Variants in CHMP4C observed in about 807,000 individuals in gnomAD.
CHMP4C encodes the protein SNF7 homolog associated with Alix 3.
A neutral mutation model predicts 29.0 loss-of-function variants in CHMP4C; 28 were observed. The observed-to-expected ratio is 0.97, with a 90% CI of 0.72 to 1.32. CHMP4C has a LOEUF of 1.32. Ranked by LOEUF, CHMP4C falls within the 40% of genes most tolerant of loss-of-function variation. The pLI is 0.00. For missense variants in CHMP4C, 291 were observed against 281.0 expected, an observed-to-expected ratio of 1.04 and a Z score of -0.25; for synonymous variants, 106 against 102.4, an observed-to-expected ratio of 1.04 and a Z score of -0.21.
chr8:81,756,297 C>T (rs1808971174), intron 3 of CHMP4C, among the ~76,000 whole-genome samples: 1 of 152,094 alleles, frequency 6.6e-6, no homozygotes, highest in Non-Finnish European at 1.5e-5. Context: ...GGATGGGTTT[C>T]ACAATTTTAA....
intron 1 of CHMP4C, among the ~76,000 whole-genome samples, chr8:81,741,727 A>G (rs1808764642): frequency 6.6e-6 from 1 of 152,126 alleles, no homozygotes; most frequent in Admixed American, 6.5e-5. Flanking sequence ...TATACAGATG[A>G]TATTGTTGAT....
intron 1 of CHMP4C, among the ~76,000 whole-genome samples, chr8:81,744,671 G>A (rs1554592785): frequency 6.6e-6 from 1 of 152,146 alleles, no homozygotes. Context: ...GGTAAAGAAT[G>A]TAACTTACAC....
rs1286705251 is a variant in CHMP4C, at chr8:81,759,450, C to A, written c.*906C>A. The A allele has an allele frequency of 6.6e-6, 1 of 151,576 alleles. No individual in the cohort carries two copies. The highest frequency in any genetic ancestry group is 1.5e-5 in the Non-Finnish European group (1 of 67,944). The allele number at this position is 151,576 out of a possible 1,614,324, so 9.4% of individuals were successfully genotyped here. ...TGTGCTCTCTTGTACATTTATTTACCCTTTACAGAATATTTCTTGTAAATA... is the reference window on the plus strand; with the variant it reads ...TGTGCTCTCTTGTACATTTATTTACACTTTACAGAATATTTCTTGTAAATA... On this transcript the variant is annotated 3_prime_UTR_variant, in exon 5 of 5. Coordinates refer to ENST00000297265, the MANE Select transcript of CHMP4C (RefSeq NM_152284.4).
At chr8:81,735,432 TAC>T (rs1808676181) in intron 1 of CHMP4C, among the ~76,000 whole-genome samples, 1 of 150,466 alleles carries the variant, frequency 6.6e-6, no homozygotes, top group Admixed American at 6.6e-5. Flanking sequence ...TAACTTCATA[TAC>T]ATAGTTAACT....
chr8:81,734,351 A>G (rs1180155541), intron 1 of CHMP4C, among the ~76,000 whole-genome samples: 1 of 152,100 alleles, frequency 6.6e-6, no homozygotes, highest in Non-Finnish European at 1.5e-5. Context: ...TTGTTTTGAG[A>G]CAGAGTTTCA....
chr8:81,740,947 A>G (rs948481328), intron 1 of CHMP4C, among the ~76,000 whole-genome samples: 1 of 152,150 alleles, frequency 6.6e-6, no homozygotes, highest in African/African-American at 2.4e-5. Context: ...GTATCCAGCA[A>G]CCAAAAGAAA....
At chr8:81,748,202 T>A (rs1028576305) in intron 1 of CHMP4C, among the ~76,000 whole-genome samples, 6 of 152,242 alleles carry the variant, frequency 3.9e-5, no homozygotes, top group Non-Finnish European at 7.3e-5. Flanking sequence ...GTTATCTCTC[T>A]TATTCCCTGA....
intron 1 of CHMP4C, among the ~76,000 whole-genome samples, chr8:81,752,645 C>G (rs917281132): frequency 6.6e-6 from 1 of 152,152 alleles, no homozygotes; most frequent in South Asian, 2.1e-4. Flanking sequence ...TCTCTGGTCT[C>G]AATGAACTTG....
intron 1 of CHMP4C, among the ~76,000 whole-genome samples, chr8:81,751,749 G>C (rs964439280): frequency 7.9e-5 from 12 of 152,062 alleles, no homozygotes; most frequent in Admixed American, 6.6e-4. Flanking sequence ...ATGAGACTGA[G>C]TGAAAATCTT....
At position 81,752,073 on chromosome 8, in the gene CHMP4C, T is replaced by C. The variant is rs16909557; in HGVS notation, c.191-991T>C. On this transcript the variant is annotated intron_variant, in intron 1 of 4. Transcript: ENST00000297265. ...ACCATGGAAAAAGCACTGGAATGAA[T>C]CAATCAAATTTGTTGCAATTACAAG... is the stretch of plus-strand genomic sequence containing the variant. Among the ~76,000 whole-genome samples the C allele has an allele frequency of 9.9e-3, 1,501 of 152,040 alleles. 23 individuals are homozygous for C. Among genetic ancestry groups the C allele is most frequent in the African/African-American group, 0.034 (1,417 of 41,526 alleles).
intron 1 of CHMP4C, among the ~76,000 whole-genome samples, chr8:81,738,124 C>A (rs1457685452): frequency 1.3e-5 from 2 of 152,122 alleles, no homozygotes; most frequent in African/African-American, 2.4e-5. Context: ...CCTCTTTTTC[C>A]CCCTCATCCT....
At position 81,755,361 on chromosome 8, in the gene CHMP4C, A is replaced by G. The variant is rs1238436660; in HGVS notation, c.369-9A>G. 5 of 1,501,986 alleles carry G rather than the reference A, an allele frequency of 3.3e-6. No homozygotes were observed. Among genetic ancestry groups the G allele is most frequent in the Non-Finnish European group, 3.7e-6 (4 of 1,091,334 alleles). 93.0% of individuals were successfully genotyped at this position (1,501,986 alleles called of 1,614,324 possible). Reference sequence around the variant, plus strand: ...ATTCTAAAATGTTCAACAAAATATGATTTCCCAGGGATCTGAACAAAATAG... The same window carrying G: ...ATTCTAAAATGTTCAACAAAATATGGTTTCCCAGGGATCTGAACAAAATAG... On this transcript the variant is annotated splice_polypyrimidine_tract_variant and intron_variant, in intron 2 of 4. Coordinates refer to ENST00000297265, the MANE Select transcript of CHMP4C (RefSeq NM_152284.4).
intron 1 of CHMP4C, among the ~76,000 whole-genome samples, chr8:81,737,833 A>G (rs889103066): frequency 2.6e-5 from 4 of 152,230 alleles, no homozygotes; most frequent in African/African-American, 9.6e-5. Flanking sequence ...TAAACTAATT[A>G]CATTTTAAAA....
intron 1 of CHMP4C, among the ~76,000 whole-genome samples, chr8:81,735,334 T>C (rs1808674106): frequency 6.6e-6 from 1 of 152,230 alleles, no homozygotes; most frequent in Non-Finnish European, 1.5e-5. Flanking sequence ...ATCTAAGCTA[T>C]GGAAAGAATT....
At position 81,757,756 on chromosome 8, in the gene CHMP4C, G is replaced by A. The variant is rs548663591; in HGVS notation, c.484-386G>A. On this transcript the variant is annotated intron_variant, in intron 3 of 4. Transcript: ENST00000297265. ...TATACCTGTTGTTTTATTTTCAATC[G>A]CATTAGCCCAAAGAAAAACATTTAT... Among the ~76,000 whole-genome samples, 4 of 152,056 alleles carry A rather than the reference G, an allele frequency of 2.6e-5. No individual in the cohort carries two copies. In the East Asian group the frequency reaches 5.8e-4, roughly 22 times the overall value.
chr8:81,753,951 G>T (rs886351457), intron 2 of CHMP4C, among the ~76,000 whole-genome samples: 1 of 151,952 alleles, frequency 6.6e-6, no homozygotes, highest in African/African-American at 2.4e-5. Flanking sequence ...TTCACAATTT[G>T]CTTTACATTC....
At chr8:81,735,925 A>G (rs913705170) in intron 1 of CHMP4C, among the ~76,000 whole-genome samples, 1 of 151,870 alleles carries the variant, frequency 6.6e-6, no homozygotes. Flanking sequence ...CATCTCTACT[A>G]AAAGTACAAA....
At chr8:81,744,367 T>C (rs189102025) in intron 1 of CHMP4C, among the ~76,000 whole-genome samples, 13 of 152,216 alleles carry the variant, frequency 8.5e-5, no homozygotes, top group Non-Finnish European at 1.9e-4. Flanking sequence ...GTAATACCTT[T>C]TTCATCATTC....
intron 1 of CHMP4C, among the ~76,000 whole-genome samples, chr8:81,742,791 G>GA (rs938824961): frequency 3.3e-5 from 5 of 151,848 alleles, no homozygotes; most frequent in Admixed American, 1.3e-4. Context: ...ATTAACTGTA[G>GA]AAAAAAAATT....
Sources: gnomAD v4.1 joint callset for allele counts (sites outside exome capture counted in the v4.1 genomes callset) on GRCh38, gnomAD v4.1.1 for gene constraint, MANE v1.5 for transcripts, NCBI Gene and HGNC (gene_info 2026-07-23, HGNC 2026-07-21) for gene names.